Variants in CTNNA3 observed in about 807,000 individuals in gnomAD.
The protein encoded by CTNNA3 is catenin alpha-3.
CTNNA3 carries 76 observed loss-of-function variants against 95.7 expected under a neutral mutation model. That is an observed-to-expected ratio of 0.79 (90% CI 0.66 to 0.96). The LOEUF (loss-of-function observed/expected upper bound fraction) is 0.96. CTNNA3 is among the 40% of genes least tolerant of loss of function. The probability of loss-of-function intolerance (pLI) is 0.00; values close to 1 mark genes in which losing one functional copy is unlikely to be tolerated. For missense variants in CTNNA3, 1,191 were observed against 1,089.8 expected, an observed-to-expected ratio of 1.09 and a Z score of -1.31; for synonymous variants, 431 against 374.4, an observed-to-expected ratio of 1.15 and a Z score of -1.74.
At position 67,352,860 on chromosome 10, in the gene CTNNA3, G is replaced by A. The variant is rs548082569; in HGVS notation, c.580-132990C>T. 6.6e-5 allele frequency among the ~76,000 whole-genome samples: 10 copies of A among 151,948 alleles called. No individual in the cohort carries two copies. In the East Asian group the frequency reaches 9.7e-4, roughly 15 times the overall value. Reference sequence around the variant, plus strand: ...TCTTTCTATCCTTTCCATTCTATCCGTCACAGAAAGTAGCATCTTTTTTCC... The same window carrying A: ...TCTTTCTATCCTTTCCATTCTATCCATCACAGAAAGTAGCATCTTTTTTCC... On this transcript the variant is annotated intron_variant, in intron 5 of 17. Coordinates refer to ENST00000433211, the MANE Select transcript of CTNNA3 (RefSeq NM_013266.4).
intron 9 of CTNNA3, among the ~76,000 whole-genome samples, chr10:66,758,428 G>A (rs556580379): frequency 1.8e-4 from 28 of 152,258 alleles, no homozygotes; most frequent in African/African-American, 5.8e-4. Context: ...TTAATTGAGT[G>A]GAATAGTGAA....
chr10:67,127,503 G>T (rs1305932638), intron 7 of CTNNA3, among the ~76,000 whole-genome samples: 1 of 152,128 alleles, frequency 6.6e-6, no homozygotes. Flanking sequence ...TAAGATGATT[G>T]AGAGTGGAAT....
intron 13 of CTNNA3, among the ~76,000 whole-genome samples, chr10:66,223,618 A>T (rs1159076601): frequency 1.3e-5 from 2 of 152,222 alleles, no homozygotes; most frequent in Admixed American, 1.3e-4. Context: ...CTGATAAGAC[A>T]TCATAAGAAA....
chr10:66,291,333 AG>A (rs1403547707), intron 12 of CTNNA3, among the ~76,000 whole-genome samples: 2 of 152,192 alleles, frequency 1.3e-5, no homozygotes. Flanking sequence ...ATCACCAGAA[AG>A]GCCCATTAAG....
chr10:67,130,067 C>G (rs1281817937), intron 7 of CTNNA3, among the ~76,000 whole-genome samples: 1 of 152,106 alleles, frequency 6.6e-6, no homozygotes, highest in Non-Finnish European at 1.5e-5. Context: ...TCTTTGAAAT[C>G]TACCCCCCTT....
chr10:67,550,895 C>T (rs1367230947), intron 3 of CTNNA3, among the ~76,000 whole-genome samples: 1 of 152,020 alleles, frequency 6.6e-6, no homozygotes, highest in Non-Finnish European at 1.5e-5. Flanking sequence ...GAAGAATTTC[C>T]CATGGAGCTT....
chr10:66,354,708 T>C (rs1038598854), intron 12 of CTNNA3, among the ~76,000 whole-genome samples: 3 of 152,056 alleles, frequency 2.0e-5, no homozygotes, highest in African/African-American at 7.2e-5. Flanking sequence ...ATTCTAGACC[T>C]CATTCCATTA....
rs149319864 is a variant in CTNNA3, at chr10:66,496,705, C to T, written c.1531+23912G>A. Among the ~76,000 whole-genome samples the T allele has an allele frequency of 2.8e-3, 432 of 152,246 alleles. 2 individuals are homozygous for T. Among genetic ancestry groups the T allele is most frequent in the African/African-American group, 9.9e-3 (411 of 41,552 alleles). ...AAACTTTTAGTTGACAGTGAACACA[C>T]GACAAAGGAAATCAATTTAACGACC... On this transcript the variant is annotated intron_variant, in intron 11 of 17. Transcript: ENST00000433211.
intron 13 of CTNNA3, among the ~76,000 whole-genome samples, chr10:66,167,068 T>G (rs2085168571): frequency 6.6e-6 from 1 of 152,120 alleles, no homozygotes; most frequent in African/African-American, 2.4e-5. Flanking sequence ...AAAACTGAAG[T>G]ATTGTAACAT....
intron 1 of CTNNA3, among the ~76,000 whole-genome samples, chr10:67,741,321 A>T (rs1190478837): frequency 2.7e-5 from 4 of 148,678 alleles, no homozygotes; most frequent in Non-Finnish European, 4.5e-5. Context: ...ATAAAAAAAT[A>T]AAAAAATAAA....
intron 13 of CTNNA3, among the ~76,000 whole-genome samples, chr10:66,253,253 T>G (rs748017873): frequency 1.2e-4 from 19 of 152,192 alleles, no homozygotes; most frequent in Non-Finnish European, 2.8e-4. Flanking sequence ...CCCCTATCAT[T>G]ACCACCAAGT....
rs373039576 is a variant in CTNNA3 at position 67,230,956 on chromosome 10, G to A, written c.580-11086C>T. 1.5e-4 allele frequency among the ~76,000 whole-genome samples: 23 copies of A among 152,300 alleles called. No individual in the cohort carries two copies. The South Asian group carries it at 3.7e-3, about 25-fold the overall frequency. Reference sequence around the variant, plus strand: ...CGGGTCACTCCCACCCGAATACTGCGCTTTTCCGACGGGCTTAAAAAACGG... The same window carrying A: ...CGGGTCACTCCCACCCGAATACTGCACTTTTCCGACGGGCTTAAAAAACGG... On this transcript the variant is annotated intron_variant, in intron 5 of 17. Transcript: ENST00000433211.
At chr10:67,112,296 T>C (rs1024449914) in intron 7 of CTNNA3, among the ~76,000 whole-genome samples, 4 of 152,170 alleles carry the variant, frequency 2.6e-5, no homozygotes, top group African/African-American at 9.7e-5. Flanking sequence ...GCTTGGGGTG[T>C]AATTAAAATG....
intron 15 of CTNNA3, among the ~76,000 whole-genome samples, chr10:66,009,129 A>AGTC (rs1443476220): frequency 6.6e-6 from 1 of 151,974 alleles, no homozygotes; most frequent in Non-Finnish European, 1.5e-5. Context: ...TACTTCACGT[A>AGTC]GTCTTCTTGA....
chr10:67,231,111 A>T (rs1359514150), intron 5 of CTNNA3, among the ~76,000 whole-genome samples: 2 of 152,174 alleles, frequency 1.3e-5, no homozygotes, highest in African/African-American at 4.8e-5. Flanking sequence ...GGCGCCCGCC[A>T]TTGCCCAGGC....
intron 13 of CTNNA3, among the ~76,000 whole-genome samples, chr10:66,242,952 T>C (rs2090166712): frequency 6.6e-6 from 1 of 152,134 alleles, no homozygotes; most frequent in South Asian, 2.1e-4. Flanking sequence ...AAACTTAAAA[T>C]AAAATTCTAA....
Position 67,115,428 on chromosome 10 carries a change from T to G in CTNNA3, c.1047+64889A>C, listed in dbSNP as rs188925483. 5.7e-3 allele frequency among the ~76,000 whole-genome samples: 864 copies of G among 152,044 alleles called. 6 individuals are homozygous for G. The highest frequency in any genetic ancestry group is 0.01 in the Middle Eastern group (3 of 294). On this transcript the variant is annotated intron_variant, in intron 7 of 17. Transcript: ENST00000433211. The stretch of plus-strand genomic sequence containing the variant: ...GGGTGCAGCACACCAGCATGGCACA[T>G]GTATACATATGTAACTAACCTGCAC...
rs1407640269 is a variant in CTNNA3, at chr10:67,204,588, A to ATG, written c.843+15018_843+15019insCA. 7.6e-4 allele frequency among the ~76,000 whole-genome samples: 115 copies of ATG among 152,288 alleles called. 1 individual carries two copies. Among genetic ancestry groups the ATG allele is most frequent in the African/African-American group, 2.7e-3 (111 of 41,570 alleles). ...AGAACAGACTAATACAGCTACTAAT[A>ATG]AGAAAGCTGAATTTATGGGATCTAA... On this transcript the variant is annotated intron_variant, in intron 6 of 17. Coordinates refer to ENST00000433211, the MANE Select transcript of CTNNA3 (RefSeq NM_013266.4).
intron 9 of CTNNA3, among the ~76,000 whole-genome samples, chr10:66,626,891 C>CTGA (rs1168630034): frequency 6.6e-6 from 1 of 151,746 alleles, no homozygotes; most frequent in East Asian, 1.9e-4. Context: ...CCAGGTGATT[C>CTGA]TGATATACCA....
Sources: gnomAD v4.1 joint callset for allele counts (sites outside exome capture counted in the v4.1 genomes callset) on GRCh38, gnomAD v4.1.1 for gene constraint, MANE v1.5 for transcripts, NCBI Gene and HGNC (gene_info 2026-07-23, HGNC 2026-07-21) for gene names.